MIPOL1: variants seen among roughly 807,000 people sequenced by gnomAD.
The protein encoded by MIPOL1 is mirror-image polydactyly 1, also known as mirror-image polydactyly gene 1 protein.
MIPOL1 carries 57 observed loss-of-function variants against 60.9 expected under a neutral mutation model. That is an observed-to-expected ratio of 0.94 (90% CI 0.76 to 1.17). MIPOL1 has a LOEUF of 1.17. Among genes scored for constraint, MIPOL1 ranks in the 50% most tolerant of loss-of-function variants. The pLI, the probability that MIPOL1 is intolerant of heterozygous loss-of-function variation, is 0.00. For synonymous variants in MIPOL1, 179 were observed against 168.8 expected, an observed-to-expected ratio of 1.06 and a Z score of -0.47; for missense variants, 551 against 511.6, an observed-to-expected ratio of 1.08 and a Z score of -0.74.
intron 12 of MIPOL1, among the ~76,000 whole-genome samples, chr14:37,509,789 G>A (rs575474745): frequency 1.0e-4 from 15 of 148,274 alleles, no homozygotes; most frequent in African/African-American, 3.6e-4. Flanking sequence ...ATACATGTAT[G>A]TATATCTATC....
chr14:37,363,705 G>A (rs752532173), intron 9 of MIPOL1, among the ~76,000 whole-genome samples: 5 of 152,188 alleles, frequency 3.3e-5, no homozygotes, highest in Non-Finnish European at 5.9e-5. Flanking sequence ...GAAGTTGTCC[G>A]CTGCCATTTG....
chr14:37,262,660 T>A (rs2082593173), intron 3 of MIPOL1, among the ~76,000 whole-genome samples: 1 of 152,132 alleles, frequency 6.6e-6, no homozygotes, highest in Non-Finnish European at 1.5e-5. Context: ...ATGCACTAAG[T>A]AGTACCTTCA....
At chr14:37,269,771 C>T (rs1287438903) in intron 5 of MIPOL1, among the ~76,000 whole-genome samples, 1 of 152,008 alleles carries the variant, frequency 6.6e-6, no homozygotes, top group Non-Finnish European at 1.5e-5. Flanking sequence ...AAATCCCTTC[C>T]AAATATTTTG....
chr14:37,290,824 G>A (rs186860714), intron 7 of MIPOL1, among the ~76,000 whole-genome samples: 1 of 152,176 alleles, frequency 6.6e-6, no homozygotes, highest in Non-Finnish European at 1.5e-5. Flanking sequence ...ATTAAGCCTA[G>A]TATCCATTAG....
At chr14:37,457,549 C>G (rs1203851917) in intron 11 of MIPOL1, among the ~76,000 whole-genome samples, 2 of 152,170 alleles carry the variant, frequency 1.3e-5, no homozygotes, top group Admixed American at 6.5e-5. Flanking sequence ...TACTTGTGCT[C>G]TACTCTGCAA....
At chr14:37,432,631 G>A (rs1390179462) in intron 11 of MIPOL1, among the ~76,000 whole-genome samples, 2 of 150,804 alleles carry the variant, frequency 1.3e-5, no homozygotes, top group East Asian at 3.9e-4. Flanking sequence ...GACCTACAGT[G>A]TTCATATTTG....
intron 9 of MIPOL1, among the ~76,000 whole-genome samples, chr14:37,359,891 T>C (rs1158190557): frequency 6.6e-6 from 1 of 152,208 alleles, no homozygotes; most frequent in Non-Finnish European, 1.5e-5. Flanking sequence ...CATCCTTGTC[T>C]TGTGCCGGTT....
chr14:37,437,698 C>CA (rs1447847214), intron 11 of MIPOL1, among the ~76,000 whole-genome samples: 3 of 152,116 alleles, frequency 2.0e-5, no homozygotes, highest in Non-Finnish European at 4.4e-5. Context: ...ATTAACCTCT[C>CA]AAAGCCTCAA....
At chr14:37,338,065 C>G (rs993838881) in intron 9 of MIPOL1, among the ~76,000 whole-genome samples, 5 of 150,756 alleles carry the variant, frequency 3.3e-5, no homozygotes, top group African/African-American at 1.2e-4. Flanking sequence ...CATCCAACTT[C>G]AGTCTTTTGC....
At chr14:37,438,658 T>C (rs2094198699) in intron 11 of MIPOL1, among the ~76,000 whole-genome samples, 3 of 152,204 alleles carry the variant, frequency 2.0e-5, no homozygotes, top group South Asian at 4.1e-4. Flanking sequence ...ACTGAGACCA[T>C]GTTAAAGGCA....
At chr14:37,517,640 G>A (rs2095380521) in intron 12 of MIPOL1, among the ~76,000 whole-genome samples, 1 of 152,060 alleles carries the variant, frequency 6.6e-6, no homozygotes, top group South Asian at 2.1e-4. Context: ...ACCCAAACAG[G>A]AGAGTAGTTA....
At chr14:37,422,713 T>G (rs1450406895) in intron 10 of MIPOL1, 142 bp from the exon 11 acceptor site, 1 of 566,944 alleles carries the variant, frequency 1.8e-6, no homozygotes, top group Non-Finnish European at 3.1e-6. Flanking sequence ...TATTTTCTGG[T>G]AACTTATGAG....
At chr14:37,323,778 C>T (rs1201406518) in intron 9 of MIPOL1, among the ~76,000 whole-genome samples, 4 of 152,076 alleles carry the variant, frequency 2.6e-5, no homozygotes, top group African/African-American at 9.6e-5. Context: ...ATCATCTCTG[C>T]CTCACCCAAA....
chr14:37,280,235 G>A (rs2083996275), intron 6 of MIPOL1, among the ~76,000 whole-genome samples: 1 of 152,050 alleles, frequency 6.6e-6, no homozygotes, highest in Admixed American at 6.6e-5. Context: ...TGGCACTTCA[G>A]TTGTTTCCAT....
intron 12 of MIPOL1, among the ~76,000 whole-genome samples, chr14:37,510,858 G>C (rs1469592585): frequency 1.3e-5 from 2 of 151,996 alleles, no homozygotes; most frequent in Non-Finnish European, 2.9e-5. Flanking sequence ...TAGTTTCATA[G>C]AAAAGCATGA....
intron 1 of MIPOL1, among the ~76,000 whole-genome samples, chr14:37,234,112 A>G (rs1971053885): frequency 1.3e-5 from 2 of 152,192 alleles, no homozygotes; most frequent in African/African-American, 4.8e-5. Flanking sequence ...ATCTGGGTAC[A>G]ATGGTTTTGG....
rs76847671 is a variant in MIPOL1 at position 37,357,814 on chromosome 14, A to G, written c.829-11703A>G. ...TTTTGGTTGCCTGTGCTTGTGGGGT[A>G]TTGCTCAAGAAATATTTTTTTCTTT... On this transcript the variant is annotated intron_variant, in intron 9 of 12. Coordinates refer to ENST00000684589, the MANE Select transcript of MIPOL1 (RefSeq NM_001388067.1). Among the ~76,000 whole-genome samples, 1,324 of 151,424 alleles carry G rather than the reference A, an allele frequency of 8.7e-3. 16 individuals carry two copies. Among genetic ancestry groups the G allele is most frequent in the African/African-American group, 0.031 (1,267 of 41,210 alleles).
intron 11 of MIPOL1, among the ~76,000 whole-genome samples, chr14:37,485,663 C>T (rs1046830585): frequency 6.6e-6 from 1 of 152,114 alleles, no homozygotes; most frequent in Non-Finnish European, 1.5e-5. Context: ...CCTTTGCCCA[C>T]TTTTTGATGG....
At chr14:37,546,713 T>C (rs2095548862) in intron 12 of MIPOL1, among the ~76,000 whole-genome samples, 192 bp from the exon 13 acceptor site, 3 of 152,074 alleles carry the variant, frequency 2.0e-5, no homozygotes, top group African/African-American at 2.4e-5. Context: ...AAAGTTTGTG[T>C]CGTTGCTGGG....
Sources: allele counts gnomAD v4.1 joint callset (sites outside exome capture counted in the v4.1 genomes callset), GRCh38; gene constraint gnomAD v4.1.1; transcripts MANE v1.5; gene names NCBI Gene and HGNC (gene_info 2026-07-23, HGNC 2026-07-21).